Variants in NEDD4L observed in about 807,000 individuals in gnomAD.
NEDD4L encodes NEDD4 like E3 ubiquitin protein ligase.
A neutral mutation model predicts 148.9 loss-of-function variants in NEDD4L; 54 were observed. The observed-to-expected ratio is 0.36, with a 90% confidence interval of 0.29 to 0.45. The LOEUF (loss-of-function observed/expected upper bound fraction) is 0.45, where lower values mean the gene tolerates loss of function less well. NEDD4L is among the 20% of genes least tolerant of loss of function. The probability of loss-of-function intolerance (pLI) is 1.00; values close to 1 mark genes in which losing one functional copy is unlikely to be tolerated. For missense variants in NEDD4L, 856 were observed against 1,233.8 expected (o/e 0.69, Z 4.59); for synonymous variants, 433 against 440.7 (o/e 0.98, Z 0.22).
intron 1 of NEDD4L, among the ~76,000 whole-genome samples, chr18:58,162,124 T>G (rs1052323185): frequency 6.6e-6 from 1 of 152,164 alleles, no homozygotes; most frequent in Non-Finnish European, 1.5e-5. Context: ...TGCCAGAATC[T>G]CTCTCCAATT....
chr18:58,317,278 G>A (rs1156436573), intron 6 of NEDD4L, among the ~76,000 whole-genome samples: 3 of 152,234 alleles, frequency 2.0e-5, no homozygotes, highest in East Asian at 1.9e-4. Context: ...AAACCTGACT[G>A]CTCTTCTCAG....
chr18:58,264,337 A>T (rs1396216004), intron 5 of NEDD4L, among the ~76,000 whole-genome samples: 5 of 152,120 alleles, frequency 3.3e-5, no homozygotes, highest in African/African-American at 1.2e-4. Flanking sequence ...AAGCTCCTGC[A>T]TTCTGCAGTA....
chr18:58,089,546 G>A (rs950836581), intron 1 of NEDD4L, among the ~76,000 whole-genome samples: 3 of 151,986 alleles, frequency 2.0e-5, no homozygotes, highest in Admixed American at 1.3e-4. Context: ...GCACTGAATG[G>A]GATGGGGTGG....
chr18:58,152,752 G>A lies in NEDD4L; in HGVS notation c.49-13036G>A, dbSNP rs558277240. Among the ~76,000 whole-genome samples the A allele has an allele frequency of 3.5e-4, 53 of 152,210 alleles. 1 individual carries two copies. Among genetic ancestry groups the A allele is most frequent in the African/African-American group, 1.1e-3 (44 of 41,530 alleles). On this transcript the variant is annotated intron_variant, in intron 1 of 30. Coordinates refer to ENST00000400345, the MANE Select transcript of NEDD4L (RefSeq NM_001144967.3). ...TGCTGATGCTGGTAGTCGGGAGTCC[G>A]TACTTTGAGAACCACTCTTCTACCT...
intron 5 of NEDD4L, among the ~76,000 whole-genome samples, chr18:58,278,014 A>T (rs1600607041): frequency 1.3e-5 from 2 of 150,108 alleles, no homozygotes; most frequent in African/African-American, 2.5e-5. Flanking sequence ...CTCATTAAAA[A>T]CTCCTCAGAA....
intron 9 of NEDD4L, among the ~76,000 whole-genome samples, chr18:58,326,222 C>G (rs1464926179): frequency 6.6e-6 from 1 of 152,136 alleles, no homozygotes; most frequent in African/African-American, 2.4e-5. Flanking sequence ...AGAGATAAAG[C>G]TTGCAGAATC....
At chr18:58,131,283 G>GATTT (rs2032093653) in intron 1 of NEDD4L, among the ~76,000 whole-genome samples, 1 of 147,566 alleles carries the variant, frequency 6.8e-6, no homozygotes, top group Non-Finnish European at 1.5e-5. Flanking sequence ...GGGCTCTGTG[G>GATTT]GTTTGGTTGT....
chr18:58,269,406 G>A (rs1441120746), intron 5 of NEDD4L, among the ~76,000 whole-genome samples: 2 of 151,986 alleles, frequency 1.3e-5, no homozygotes, highest in Non-Finnish European at 2.9e-5. Flanking sequence ...GCAGCAAAAA[G>A]GATTAGGTAT....
At chr18:58,317,083 A>T (rs1206799113) in intron 6 of NEDD4L, among the ~76,000 whole-genome samples, 2 of 152,256 alleles carry the variant, frequency 1.3e-5, no homozygotes, top group Non-Finnish European at 2.9e-5. Flanking sequence ...GATAGCAAGT[A>T]ATTTACTCTT....
chr18:58,265,321 A>G (rs1349453142), intron 5 of NEDD4L, among the ~76,000 whole-genome samples: 1 of 152,074 alleles, frequency 6.6e-6, no homozygotes, highest in Admixed American at 6.5e-5. Context: ...CTGTCATCAC[A>G]AACAATTCCT....
intron 2 of NEDD4L, among the ~76,000 whole-genome samples, chr18:58,217,278 T>C (rs2043247103): frequency 6.6e-6 from 1 of 152,230 alleles, no homozygotes; most frequent in Non-Finnish European, 1.5e-5. Flanking sequence ...GATTTTTGCC[T>C]GTGTCATGTT....
intron 1 of NEDD4L, among the ~76,000 whole-genome samples, chr18:58,061,940 GT>G (rs11314149): frequency 0.81 from 122,915 of 152,068 alleles, 50,247 homozygotes; most frequent in East Asian, 1. Flanking sequence ...ACTTTTACTG[GT>G]TATTTTCCAG....
At chr18:58,183,976 T>C (rs969794792) in intron 2 of NEDD4L, among the ~76,000 whole-genome samples, 1 of 152,192 alleles carries the variant, frequency 6.6e-6, no homozygotes, top group Non-Finnish European at 1.5e-5. Context: ...AAGGCCATCC[T>C]GGCTAACATG....
At chr18:58,225,140 G>T (rs564304173) in intron 2 of NEDD4L, among the ~76,000 whole-genome samples, 12 of 152,144 alleles carry the variant, frequency 7.9e-5, no homozygotes, top group African/African-American at 2.9e-4. Flanking sequence ...AGGGGTATTG[G>T]GGGGGAAGAG....
chr18:58,176,319 C>G (rs544215866), intron 2 of NEDD4L, among the ~76,000 whole-genome samples: 1 of 152,052 alleles, frequency 6.6e-6, no homozygotes, highest in African/African-American at 2.4e-5. Context: ...TTCATTTCCC[C>G]CCTCATCTCT....
In NEDD4L at chr18:58,341,766, C is replaced by T; in HGVS notation, c.1346C>T (p.Ser449Leu). The T allele has an allele frequency of 1.2e-6, 2 of 1,613,726 alleles. No individual in the cohort carries two copies. Among genetic ancestry groups the T allele is most frequent in the Non-Finnish European group, 1.7e-6 (2 of 1,179,824 alleles). ...PQIRRPRSLS[S>L]PTVTLSAPLE... ...ATCCGCCGGCCTCGTAGCCTCAGCT[C>T]GCCAACAGTAACTTTATCTGCCCCG... Residue 449 changes from serine to leucine, a missense_variant, in exon 15 of 31, where the codon TCG becomes TTG. Physicochemically the swap from Ser to Leu is moderately radical, Grantham distance 145. Transcript: ENST00000400345.
intron 1 of NEDD4L, among the ~76,000 whole-genome samples, chr18:58,143,419 G>T (rs1425938080): frequency 1.3e-5 from 2 of 152,198 alleles, no homozygotes; most frequent in Non-Finnish European, 2.9e-5. Context: ...ATTCTCATAA[G>T]TATCTTTGAA....
chr18:58,098,051 C>T (rs1291797192), intron 1 of NEDD4L, among the ~76,000 whole-genome samples: 1 of 152,064 alleles, frequency 6.6e-6, no homozygotes, highest in African/African-American at 2.4e-5. Flanking sequence ...AAAACAAAAA[C>T]CAAAAGTATA....
chr18:58,111,440 A>T (rs1275729531), intron 1 of NEDD4L, among the ~76,000 whole-genome samples: 1 of 152,168 alleles, frequency 6.6e-6, no homozygotes, highest in Non-Finnish European at 1.5e-5. Flanking sequence ...TCTCCCACAC[A>T]TCCCTCTCCC....
Sources: allele counts gnomAD v4.1 joint callset (sites outside exome capture counted in the v4.1 genomes callset), GRCh38; gene constraint gnomAD v4.1.1; transcripts MANE v1.5; gene names NCBI Gene and HGNC (gene_info 2026-07-23, HGNC 2026-07-21).